The following PCDHA8 variants were observed in gnomAD, a reference collection of about 807,000 sequenced individuals.
PCDHA8 encodes the protein protocadherin alpha 8.
PCDHA8 carries 53 observed loss-of-function variants against 61.8 expected under a neutral mutation model. The ratio of observed to expected loss-of-function variants is 0.86; its 90% CI spans 0.69 to 1.08. The LOEUF (loss-of-function observed/expected upper bound fraction) is 1.08, where lower values mean the gene tolerates loss of function less well. Ranked by LOEUF, PCDHA8 falls within the 50% of genes least tolerant of loss-of-function variation. The pLI is 0.00. For synonymous variants in PCDHA8, 618 were observed against 556.6 expected (o/e 1.11, Z -1.55); for missense variants, 1,293 against 1,245.0 (o/e 1.04, Z -0.58).
chr5:140,952,531 C>T (rs1463200514), intron 1 of PCDHA8, among the ~76,000 whole-genome samples: 1 of 152,138 alleles, frequency 6.6e-6, no homozygotes, highest in Non-Finnish European at 1.5e-5. Context: ...CCTCCTCAGA[C>T]TGGACTTCTT....
intron 1 of PCDHA8, chr5:140,858,571 C>T: frequency 7.3e-7 from 1 of 1,362,320 alleles, no homozygotes. Flanking sequence ...CTAGTGATAC[C>T]TTTGTAATAT....
chr5:140,852,802 T>G (rs2042479585), intron 1 of PCDHA8: 1 of 976,830 alleles, frequency 1.0e-6, no homozygotes, highest in Admixed American at 6.3e-5. Context: ...CAGATGTCAT[T>G]TGTCTCCCGC....
intron 1 of PCDHA8, among the ~76,000 whole-genome samples, chr5:140,948,620 T>TTAA (rs1422284059): frequency 6.6e-6 from 1 of 151,716 alleles, no homozygotes; most frequent in African/African-American, 2.4e-5. Context: ...CACAAAGTTG[T>TTAA]TAATAATATT....
chr5:140,925,641 TATAATAATAATAATA>T (rs10569930), intron 1 of PCDHA8, among the ~76,000 whole-genome samples: 7 of 143,358 alleles, frequency 4.9e-5, no homozygotes, highest in African/African-American at 1.0e-4. Flanking sequence ...GAACTTAAAG[TATAATAATAATAATA>T]ATAATAATAA....
At chr5:140,871,651 T>C (rs1415489448) in intron 1 of PCDHA8, 20 of 1,258,470 alleles carry the variant, frequency 1.6e-5, no homozygotes, top group Non-Finnish European at 1.9e-5. Flanking sequence ...TACCAAATGA[T>C]ACACATCTTC....
At position 140,875,871 on chromosome 5, in the gene PCDHA8, C is replaced by G. The variant is rs2055892299; in HGVS notation, c.2394+32156C>G. On this transcript the variant is annotated intron_variant, in intron 1 of 3. Transcript: ENST00000531613. ...ACATTAACGACAACCCGCCGGTGTT[C>G]AGAGAAAGGGAACAAAAGGTACCTG... 3 of 1,614,188 alleles carry G rather than the reference C, an allele frequency of 1.9e-6. No individual in the cohort carries two copies. The highest frequency in any genetic ancestry group is 2.5e-6 in the Non-Finnish European group (3 of 1,180,036).
chr5:140,978,644 G>A (rs782602318), intron 1 of PCDHA8, among the ~76,000 whole-genome samples: 18 of 152,220 alleles, frequency 1.2e-4, no homozygotes, highest in Non-Finnish European at 1.9e-4. Context: ...AAAGCAGACT[G>A]TTCTTCCCGT....
At chr5:140,968,442 T>C in intron 1 of PCDHA8, 1 of 1,614,068 alleles carries the variant, frequency 6.2e-7, no homozygotes, top group Non-Finnish European at 8.5e-7. Flanking sequence ...AGCCCACCAC[T>C]GAGCAGCACT....
chr5:141,003,104 C>G (rs1447493860), intron 3 of PCDHA8, among the ~76,000 whole-genome samples: 1 of 152,236 alleles, frequency 6.6e-6, no homozygotes, highest in East Asian at 1.9e-4. Context: ...ATTTGCTTCA[C>G]AATCTTCTGG....
chr5:140,874,158 G>T (rs986617459), intron 1 of PCDHA8, among the ~76,000 whole-genome samples: 8 of 152,108 alleles, frequency 5.3e-5, no homozygotes, highest in African/African-American at 1.7e-4. Context: ...GCCATTCTTG[G>T]TTACTCTTTC....
intron 1 of PCDHA8, chr5:140,967,680 GGCAGCTCTTCA>G: frequency 6.2e-7 from 1 of 1,614,228 alleles, no homozygotes; most frequent in East Asian, 2.2e-5. Flanking sequence ...GACCGGGAGA[GGCAGCTCTTCA>G]GCATAGATGC....
chr5:140,871,527 G>T lies in PCDHA8; in HGVS notation c.2394+27812G>T, dbSNP rs537927360. ...TTCTACAGATTCCACCTATCAGGAA[G>T]TGTATGTGAAATTATTTAAAATCCA... On this transcript the variant is annotated intron_variant, in intron 1 of 3. Transcript: ENST00000531613. 7 of 1,531,726 alleles carry T rather than the reference G, an allele frequency of 4.6e-6. No individual in the cohort carries two copies. The African/African-American group carries it at 9.7e-5, about 21-fold the overall frequency. The allele number at this position is 1,531,726 out of a possible 1,614,324, so 94.9% of individuals were successfully genotyped here.
chr5:140,922,950 T>G (rs928008081), intron 1 of PCDHA8, among the ~76,000 whole-genome samples: 6 of 152,208 alleles, frequency 3.9e-5, no homozygotes, highest in Non-Finnish European at 5.9e-5. Flanking sequence ...GGAAATCCAG[T>G]TTGTCTTCAG....
chr5:140,989,534 A>G (rs1201139003), intron 3 of PCDHA8, among the ~76,000 whole-genome samples: 1 of 152,184 alleles, frequency 6.6e-6, no homozygotes, highest in African/African-American at 2.4e-5. Flanking sequence ...GGAGGAAGAT[A>G]GTTTGTAATT....
At chr5:140,915,646 C>A (rs2077236708) in intron 1 of PCDHA8, among the ~76,000 whole-genome samples, 1 of 151,916 alleles carries the variant, frequency 6.6e-6, no homozygotes, top group Non-Finnish European at 1.5e-5. Flanking sequence ...CTCTCTCTCT[C>A]TCTCTCTCTC....
At chr5:140,856,659 A>C in intron 1 of PCDHA8, 1 of 1,598,186 alleles carries the variant, frequency 6.3e-7, no homozygotes, top group Non-Finnish European at 8.6e-7. Context: ...CGTGAAGAAA[A>C]TCCTCAGCTA....
At chr5:140,875,828 T>G (rs1259125673) in intron 1 of PCDHA8, 10 of 1,614,196 alleles carry the variant, frequency 6.2e-6, no homozygotes, top group Middle Eastern at 1.6e-4. Context: ...GTTTTCCATG[T>G]GGACGTGGAG....
chr5:140,906,786 A>G (rs1471436514), intron 1 of PCDHA8, among the ~76,000 whole-genome samples: 1 of 152,198 alleles, frequency 6.6e-6, no homozygotes, highest in Non-Finnish European at 1.5e-5. Flanking sequence ...GATCTTGTGT[A>G]TTCCATGCAT....
rs78283049 is a variant in PCDHA8 at position 140,938,200 on chromosome 5, C to G, written c.2395-40749C>G. 2.3e-3 allele frequency among the ~76,000 whole-genome samples: 352 copies of G among 152,306 alleles called. 1 individual carries two copies. The highest frequency in any genetic ancestry group is 8.1e-3 in the African/African-American group (335 of 41,568). On this transcript the variant is annotated intron_variant, in intron 1 of 3. Coordinates refer to ENST00000531613, the MANE Select transcript of PCDHA8 (RefSeq NM_018911.3). ...GGCTCAAGCAATCCTCCCACGCCAG[C>G]CTCCCAAAGTGCTGGGATTACAGGC... is the stretch of plus-strand genomic sequence containing the variant.
Sources: gnomAD v4.1 joint callset for allele counts (sites outside exome capture counted in the v4.1 genomes callset) on GRCh38, gnomAD v4.1.1 for gene constraint, MANE v1.5 for transcripts, NCBI Gene and HGNC (gene_info 2026-07-23, HGNC 2026-07-21) for gene names.